Variants in PDE4D observed in about 807,000 individuals in gnomAD.
The protein encoded by PDE4D is phosphodiesterase 4D, also known as 3',5'-cyclic-AMP phosphodiesterase 4D.
A neutral mutation model predicts 87.4 loss-of-function variants in PDE4D; 24 were observed. That is an observed-to-expected ratio of 0.27 (90% CI 0.20 to 0.39). The LOEUF is 0.39. PDE4D is among the 10% of genes least tolerant of loss of function. The probability of loss-of-function intolerance (pLI) is 1.00; values close to 1 mark genes in which losing one functional copy is unlikely to be tolerated. For synonymous variants in PDE4D, 384 were observed against 383.2 expected, an observed-to-expected ratio of 1.00 and a Z score of -0.02; for missense variants, 714 against 1,041.0, an observed-to-expected ratio of 0.69 and a Z score of 4.32.
intron 1 of PDE4D, among the ~76,000 whole-genome samples, chr5:60,284,413 CTG>C (rs1752223220): frequency 6.6e-6 from 1 of 152,158 alleles, no homozygotes; most frequent in Non-Finnish European, 1.5e-5. Context: ...TTTAGGAACA[CTG>C]TCTTTGGTCA....
At chr5:59,744,890 G>T (rs964160209) in intron 1 of PDE4D, among the ~76,000 whole-genome samples, 1 of 152,110 alleles carries the variant, frequency 6.6e-6, no homozygotes, top group Non-Finnish European at 1.5e-5. Context: ...ATTTCTGAAT[G>T]CCTGATTTCC....
At chr5:59,513,526 T>C (rs534144009) in intron 1 of PDE4D, among the ~76,000 whole-genome samples, 2 of 152,188 alleles carry the variant, frequency 1.3e-5, no homozygotes, top group African/African-American at 4.8e-5. Flanking sequence ...CTTTCACAAA[T>C]GAGGCAATTA....
In PDE4D at chr5:59,144,897, G is replaced by C. The variant is rs943718791; in HGVS notation, c.808+35698C>G. Among the ~76,000 whole-genome samples the C allele has an allele frequency of 2.4e-4, 32 of 135,840 alleles. 2 individuals are homozygous for C. The highest frequency in any genetic ancestry group is 6.2e-4 in the African/African-American group (23 of 37,120). 89.1% of individuals were successfully genotyped at this position (135,840 alleles called of 152,430 possible). ...CCCTTTAATAGGGTTTAATGGGGGG[G>C]GGGGGGGGAACCATCCAGAAGCTGA... On this transcript the variant is annotated intron_variant, in intron 5 of 14. Coordinates refer to ENST00000340635, the MANE Select transcript of PDE4D (RefSeq NM_001104631.2).
chr5:59,287,888 T>C (rs746451872), intron 1 of PDE4D, among the ~76,000 whole-genome samples: 22 of 152,108 alleles, frequency 1.4e-4, no homozygotes. Context: ...AGCCACAGTG[T>C]TACTGGGCTT....
intron 1 of PDE4D, among the ~76,000 whole-genome samples, chr5:59,723,245 A>G (rs538029486): frequency 2.0e-5 from 3 of 152,144 alleles, no homozygotes; most frequent in Non-Finnish European, 4.4e-5. Context: ...AAATGATGAA[A>G]TATGGGCTTC....
At chr5:60,041,271 T>C (rs919105118) in intron 2 of PDE4D, among the ~76,000 whole-genome samples, 2 of 152,190 alleles carry the variant, frequency 1.3e-5, no homozygotes, top group Non-Finnish European at 2.9e-5. Context: ...ATGTTCTACA[T>C]GACATTGCTA....
Position 60,276,946 on chromosome 5 carries a change from G to T in PDE4D, c.-89-91259C>A, listed in dbSNP as rs1239952544. Among the ~76,000 whole-genome samples, 7 of 151,760 alleles carry T rather than the reference G, an allele frequency of 4.6e-5. No homozygotes were observed. In the South Asian group the frequency reaches 8.3e-4, roughly 18 times the overall value. The stretch of plus-strand genomic sequence containing the variant: ...GCCTATATCATTATATTTGAAGTGA[G>T]TTGCTTCTAGACAGCATATAGTTAG... On this transcript the variant is annotated intron_variant, in intron 1 of 16. Coordinates refer to the PDE4D transcript ENST00000502484.
At chr5:60,460,262 T>C in intron 1 of PDE4D, 1 of 1,090,240 alleles carries the variant, frequency 9.2e-7, no homozygotes, top group South Asian at 1.3e-5. Context: ...GGATCACCAC[T>C]CTCATTCAGA....
intron 1 of PDE4D, among the ~76,000 whole-genome samples, chr5:59,637,338 G>A (rs751380564): frequency 1.2e-4 from 18 of 152,208 alleles, no homozygotes; most frequent in African/African-American, 3.6e-4. Context: ...ACAGTGTGGC[G>A]ATTTCTCAAG....
chr5:59,226,873 T>C (rs1052094306), intron 1 of PDE4D, among the ~76,000 whole-genome samples: 1 of 152,022 alleles, frequency 6.6e-6, no homozygotes. Context: ...TTGGTAGTCA[T>C]TGGGAGGCCT....
intron 1 of PDE4D, among the ~76,000 whole-genome samples, chr5:60,260,451 G>A (rs1749532327): frequency 6.6e-6 from 1 of 152,010 alleles, no homozygotes; most frequent in Non-Finnish European, 1.5e-5. Context: ...TTAACACAGA[G>A]CAGGGGAATA....
intron 1 of PDE4D, among the ~76,000 whole-genome samples, chr5:59,408,785 T>G: frequency 6.6e-6 from 1 of 152,210 alleles, no homozygotes; most frequent in East Asian, 1.9e-4. Flanking sequence ...ATTTAATGAC[T>G]GTCCTGTTGT....
At chr5:59,811,982 G>A (rs1768404560) in intron 1 of PDE4D, among the ~76,000 whole-genome samples, 1 of 152,190 alleles carries the variant, frequency 6.6e-6, no homozygotes. Flanking sequence ...TGAGGGTTGA[G>A]CCTAGCGCGA....
chr5:60,037,335 T>A (rs1223075138), intron 2 of PDE4D, among the ~76,000 whole-genome samples: 1 of 152,202 alleles, frequency 6.6e-6, no homozygotes, highest in Non-Finnish European at 1.5e-5. Flanking sequence ...GAAAAAAGGA[T>A]GAGCATTTTT....
chr5:60,288,546 T>C (rs1752617793), intron 1 of PDE4D, among the ~76,000 whole-genome samples: 1 of 152,222 alleles, frequency 6.6e-6, no homozygotes, highest in African/African-American at 2.4e-5. Context: ...ATAGGAAAGA[T>C]GGGACTAAAA....
At chr5:60,070,023 G>A (rs1055281335) in intron 2 of PDE4D, among the ~76,000 whole-genome samples, 9 of 152,070 alleles carry the variant, frequency 5.9e-5, no homozygotes, top group African/African-American at 2.2e-4. Context: ...CTGGTATGTT[G>A]ATTTTGTACT....
At chr5:59,085,045 A>C (rs1767416261) in intron 5 of PDE4D, among the ~76,000 whole-genome samples, 1 of 152,172 alleles carries the variant, frequency 6.6e-6, no homozygotes, top group Non-Finnish European at 1.5e-5. Context: ...CTTTAGTTTG[A>C]CAATTCTAAT....
At chr5:60,059,040 A>ATGTGTGTGTG (rs70975363) in intron 2 of PDE4D, among the ~76,000 whole-genome samples, 1,865 of 142,392 alleles carry the variant, frequency 0.013, 35 homozygotes, top group African/African-American at 0.039. Flanking sequence ...GCATTGTCAT[A>ATGTGTGTGTG]TGTGTGTGTG....
chr5:60,068,019 T>C (rs1772295434), intron 2 of PDE4D, among the ~76,000 whole-genome samples: 1 of 152,238 alleles, frequency 6.6e-6, no homozygotes, highest in Non-Finnish European at 1.5e-5. Context: ...TGAATAATCC[T>C]ACAATGAATA....
Sources: allele counts gnomAD v4.1 joint callset (sites outside exome capture counted in the v4.1 genomes callset), GRCh38; gene constraint gnomAD v4.1.1; transcripts MANE v1.5; gene names NCBI Gene and HGNC (gene_info 2026-07-23, HGNC 2026-07-21).